Variants in COL1A2 observed in about 807,000 individuals in gnomAD.
COL1A2 encodes collagen type I alpha 2 chain.
A neutral mutation model predicts 174.3 loss-of-function variants in COL1A2; 49 were observed. The ratio of observed to expected loss-of-function variants is 0.28; its 90% CI spans 0.22 to 0.36. The LOEUF is 0.36. Ranked by LOEUF, COL1A2 falls within the 10% of genes least tolerant of loss-of-function variation. COL1A2 has a pLI of 1.00. For missense variants in COL1A2, 1,438 were observed against 1,822.7 expected, an observed-to-expected ratio of 0.79 and a Z score of 3.84; for synonymous variants, 655 against 606.6, an observed-to-expected ratio of 1.08 and a Z score of -1.17.
chr7:94,425,149 T>C lies in COL1A2; in HGVS notation c.2706T>C (p.Pro902=). 2.5e-6 allele frequency: 4 copies of C among 1,614,134 alleles called. No individual in the cohort carries two copies. Among genetic ancestry groups the C allele is most frequent in the Non-Finnish European group, 3.4e-6 (4 of 1,180,006 alleles). The change falls in exon 42 of 52, where the codon CCT becomes CCC. Residue 902 remains proline, a synonymous_variant. Transcript: ENST00000297268. Reference sequence around the variant, plus strand: ...CTGGTCCTCTTGGCATTGCCGGCCCTCCTGGGGCCCGTGGTCCTCCTGGTG... The same window carrying C: ...CTGGTCCTCTTGGCATTGCCGGCCCCCCTGGGGCCCGTGGTCCTCCTGGTG... ...GEPGPLGIAG[P]PGARGPPGAV...
At position 94,427,785 on chromosome 7, in the gene COL1A2, C is replaced by A. The variant is rs1792313282; in HGVS notation, c.3426C>A (p.Leu1142=). The A allele has an allele frequency of 6.2e-7, 1 of 1,614,004 alleles. No individual in the cohort carries two copies. The highest frequency in any genetic ancestry group is 8.5e-7 in the Non-Finnish European group (1 of 1,180,020). The change falls in exon 49 of 52, where the codon CTC becomes CTA. Residue 1142 remains leucine, a synonymous_variant. Transcript: ENST00000297268. ...DYEVDATLKS[L]NNQIETLLTP... ...AAGTTGATGCTACTCTGAAGTCTCT[C>A]AACAACCAGATTGAGACCCTTCTTA...
chr7:94,416,435 G>T lies in COL1A2; in HGVS notation c.1795G>T (p.Ala599Ser), dbSNP rs1792043043. The T allele has an allele frequency of 1.3e-6, 2 of 1,585,652 alleles. No homozygotes were observed. The highest frequency in any genetic ancestry group is 1.7e-6 in the Non-Finnish European group (2 of 1,165,234). ...GERGPPGESG[A>S]AGPTGPIGSR... ...ACGCGGTCCCCCAGGTGAGAGTGGT[G>T]CTGCCGGTCCTACTGGTCCTATTGG... Residue 599 changes from alanine (A) to serine (S), a missense_variant, in exon 31 of 52, where the codon GCT becomes TCT. Coordinates refer to ENST00000297268, the MANE Select transcript of COL1A2 (RefSeq NM_000089.4).
chr7:94,404,978 T>C, intron 9 of COL1A2, 86 bp downstream of exon 9: 6 of 1,465,280 alleles, frequency 4.1e-6, no homozygotes, highest in South Asian at 2.3e-5. Flanking sequence ...TTAAGTATTC[T>C]GCCAAAAGCT....
At position 94,430,698 on chromosome 7, in the gene COL1A2, A is replaced by T; in HGVS notation, c.*305A>T. On this transcript the variant is annotated 3_prime_UTR_variant, in exon 52 of 52. Transcript: ENST00000297268. ...AAATTGAAAAATAAAAACCATAAAC[A>T]TTTGCACCACTTGTGGCTTTTGAAT... 1 of 344,364 alleles carries T rather than the reference A, an allele frequency of 2.9e-6. No individual in the cohort carries two copies. Among genetic ancestry groups the T allele is most frequent in the South Asian group, 3.2e-5 (1 of 30,994 alleles). 21.3% of individuals were successfully genotyped at this position (344,364 alleles called of 1,614,324 possible).
intron 51 of COL1A2, chr7:94,429,784 A>G: frequency 3.8e-6 from 1 of 263,502 alleles, no homozygotes. Flanking sequence ...GGCCTAAACT[A>G]TAATTTATAG....
chr7:94,410,340 C>T (rs1791896157), intron 20 of COL1A2, 45 bp downstream of exon 20: 2 of 1,610,622 alleles, frequency 1.2e-6, no homozygotes, highest in Non-Finnish European at 1.7e-6. Flanking sequence ...AATTGTTTTT[C>T]TCATTCCAGT....
At position 94,421,812 on chromosome 7, in the gene COL1A2, T is replaced by G. The variant is rs548326510; in HGVS notation, c.2350-87T>G. ...TTGGTCTATTCCTGGTCACATGTAC[T>G]GATTTTCCAAAACAAAGAAATTCCC... On this transcript the variant is annotated intron_variant, in intron 38 of 51. Coordinates refer to ENST00000297268, the MANE Select transcript of COL1A2 (RefSeq NM_000089.4). The G allele has an allele frequency of 3.4e-5, 46 of 1,336,672 alleles. No homozygotes were observed. In the African/African-American group the frequency reaches 6.2e-4, roughly 18 times the overall value. The allele number at this position is 1,336,672 out of a possible 1,614,324, so 82.8% of individuals were successfully genotyped here.
At position 94,419,348 on chromosome 7, in the gene COL1A2, A is replaced by G. The variant is rs548398019; in HGVS notation, c.2026-150A>G. On this transcript the variant is annotated intron_variant, in intron 33 of 51. Coordinates refer to ENST00000297268, the MANE Select transcript of COL1A2 (RefSeq NM_000089.4). ...GCTTCTAATAGTCTTGTTAATTAGA[A>G]CCAAAATACATCAGAGGCCTTCTAG... is the stretch of plus-strand genomic sequence containing the variant. 2.4e-5 allele frequency: 21 copies of G among 874,000 alleles called. No individual in the cohort carries two copies. In the South Asian group the frequency reaches 3.0e-4, roughly 13 times the overall value. 54.1% of individuals were successfully genotyped at this position (874,000 alleles called of 1,614,324 possible).
At chr7:94,426,167 C>A in intron 45 of COL1A2, 116 bp downstream of exon 45, 1 of 1,039,098 alleles carries the variant, frequency 9.6e-7, no homozygotes, top group Non-Finnish European at 1.5e-6. Context: ...TTAAAAATTT[C>A]AGTCCATGCT....
intron 28 of COL1A2, 82 bp downstream of exon 28, chr7:94,414,029 AC>A: frequency 7.1e-7 from 1 of 1,398,898 alleles, no homozygotes; most frequent in Non-Finnish European, 1.0e-6. Flanking sequence ...TCTCTTCTCC[AC>A]CACAATAAAC....
At position 94,418,546 on chromosome 7, in the gene COL1A2, T is replaced by C; in HGVS notation, c.2019T>C (p.Gly673=). ...RGEIGNPGRD[G]ARGAPGAVGA... is the part of the protein sequence containing the mutation. ...AAATTGGTAACCCTGGCAGAGATGG[T>C]GCTCGTGTGAGTAGAATTTTGTTTG... The change falls in exon 33 of 52, where the codon GGT becomes GGC. Residue 673 remains glycine (G), a synonymous_variant. Transcript: ENST00000297268. 1 of 1,613,714 alleles carries C rather than the reference T, an allele frequency of 6.2e-7. No homozygotes were observed. Among genetic ancestry groups the C allele is most frequent in the East Asian group, 2.2e-5 (1 of 44,854 alleles).
chr7:94,430,011 ATGT>A, intron 51 of COL1A2: 1 of 561,672 alleles, frequency 1.8e-6, no homozygotes, highest in South Asian at 2.1e-5. Flanking sequence ...GTGTGTTGAA[ATGT>A]TGTTGGTTTT....
chr7:94,395,130 ACT>A (rs371098175), intron 1 of COL1A2, 29 bp downstream of exon 1: 1 of 1,602,482 alleles, frequency 6.2e-7, no homozygotes, highest in Non-Finnish European at 8.6e-7. Flanking sequence ...TTTGGGGGAG[ACT>A]GGGTAGAGAG....
chr7:94,401,685 T>A, intron 6 of COL1A2, 65 bp downstream of exon 6: 2 of 1,199,618 alleles, frequency 1.7e-6, no homozygotes, highest in Non-Finnish European at 2.4e-6. Flanking sequence ...TATGTCACAT[T>A]TTACCACGCC....
intron 11 of COL1A2, 71 bp downstream of exon 11, chr7:94,405,797 A>T: frequency 8.3e-7 from 1 of 1,205,612 alleles, no homozygotes; most frequent in Non-Finnish European, 1.2e-6. Context: ...GTATGTTTAA[A>T]ATCTTGGGTG....
chr7:94,399,903 A>AT (rs1791653880), intron 4 of COL1A2, among the ~76,000 whole-genome samples: 3 of 152,208 alleles, frequency 2.0e-5, no homozygotes, highest in Admixed American at 6.5e-5. Flanking sequence ...AAGCACGTGG[A>AT]ACCATACATT....
At position 94,419,631 on chromosome 7, in the gene COL1A2, C is replaced by A. The variant is rs904795407; in HGVS notation, c.2079+80C>A. 30 of 1,474,572 alleles carry A rather than the reference C, an allele frequency of 2.0e-5. No individual in the cohort carries two copies. In the Admixed American group the frequency reaches 4.7e-4, roughly 23 times the overall value. The allele number at this position is 1,474,572 out of a possible 1,614,324, so 91.3% of individuals were successfully genotyped here. On this transcript the variant is annotated intron_variant, in intron 34 of 51. Coordinates refer to ENST00000297268, the MANE Select transcript of COL1A2 (RefSeq NM_000089.4). The stretch of plus-strand genomic sequence containing the variant: ...CTAGTCCCAAAGAGCCCCAGCAATT[C>A]ATTTTTATGGCTTGGTATAAAGCCT...
chr7:94,430,069 C>T, intron 51 of COL1A2, 178 bp from the exon 52 acceptor site: 2 of 643,672 alleles, frequency 3.1e-6, no homozygotes, highest in Non-Finnish European at 5.4e-6. Flanking sequence ...TGATAGGGAG[C>T]CCCTCCCACT....
intron 15 of COL1A2, 88 bp from the exon 16 acceptor site, chr7:94,408,682 C>T (rs1791855373): frequency 4.2e-6 from 6 of 1,418,072 alleles, no homozygotes; most frequent in Non-Finnish European, 6.0e-6. Context: ...TGTCATGCCA[C>T]TGTAAGCAAC....
Sources: gnomAD v4.1 joint callset for allele counts (sites outside exome capture counted in the v4.1 genomes callset) on GRCh38, gnomAD v4.1.1 for gene constraint, MANE v1.5 for transcripts, NCBI Gene and HGNC (gene_info 2026-07-23, HGNC 2026-07-21) for gene names.